Variants in DHRSX observed in about 807,000 individuals in gnomAD.
DHRSX encodes dehydrogenase/reductase X-linked.
In DHRSX, 31 loss-of-function variants were observed where a neutral mutation model predicts 34.0. That is an observed-to-expected ratio of 0.91 (90% CI 0.69 to 1.23). The LOEUF is 1.23. Ranked by LOEUF, DHRSX falls within the 50% of genes most tolerant of loss-of-function variation. DHRSX has a pLI of 0.00. For missense variants in DHRSX, 414 were observed against 428.1 expected (o/e 0.97, Z 0.29); for synonymous variants, 201 against 183.8 (o/e 1.09, Z -0.76).
At chrX:2,238,920 A>G (rs2016079094) in intron 6 of DHRSX, among the ~76,000 whole-genome samples, 1 of 152,106 alleles carries the variant, frequency 6.6e-6, no homozygotes, top group Non-Finnish European at 1.5e-5. Flanking sequence ...GCATGCATGC[A>G]TGCATGCATA....
At chrX:2,284,779 C>T (rs1357999337) in intron 4 of DHRSX, among the ~76,000 whole-genome samples, 1 of 152,144 alleles carries the variant, frequency 6.6e-6, no homozygotes, top group Non-Finnish European at 1.5e-5. Context: ...TAAATCATCG[C>T]GTTGCCTCTG....
Position 2,338,206 on chromosome X carries a change from G to A in DHRSX, c.287-46603C>T, listed in dbSNP as rs755291430. ...AAATTAGCCAGGCATGGTGGTGCGC[G>A]CCTGTAATCCCAGCTACTTGGGAGG... is the stretch of plus-strand genomic sequence containing the variant. On this transcript the variant is annotated intron_variant, in intron 3 of 6. Transcript: ENST00000334651. Among the ~76,000 whole-genome samples the A allele has an allele frequency of 8.6e-5, 13 of 151,734 alleles. No individual in the cohort carries two copies. The South Asian group carries it at 1.7e-3, about 20-fold the overall frequency.
intron 3 of DHRSX, among the ~76,000 whole-genome samples, chrX:2,389,214 G>T (rs901898226): frequency 6.6e-6 from 1 of 152,118 alleles, no homozygotes; most frequent in African/African-American, 2.4e-5. Flanking sequence ...CCAGGAAGGG[G>T]TCACCTGGTC....
intron 3 of DHRSX, among the ~76,000 whole-genome samples, chrX:2,390,692 T>G (rs2043325619): frequency 6.6e-6 from 1 of 152,196 alleles, no homozygotes; most frequent in Non-Finnish European, 1.5e-5. Context: ...CTCTAAAAAT[T>G]TAAAGGTACT....
At chrX:2,411,643 C>A (rs1206060916) in intron 2 of DHRSX, among the ~76,000 whole-genome samples, 1 of 150,784 alleles carries the variant, frequency 6.6e-6, no homozygotes, top group Non-Finnish European at 1.5e-5. Context: ...AGAAGAATTG[C>A]TTGAACCCAG....
chrX:2,432,643 G>C (rs2043941955), intron 1 of DHRSX, among the ~76,000 whole-genome samples: 1 of 152,134 alleles, frequency 6.6e-6, no homozygotes, highest in African/African-American at 2.4e-5. Context: ...GCCACATTAG[G>C]AAACAGATAA....
chrX:2,270,771 C>A (rs1369544825), intron 4 of DHRSX, among the ~76,000 whole-genome samples: 1 of 152,082 alleles, frequency 6.6e-6, no homozygotes, highest in Non-Finnish European at 1.5e-5. Context: ...GAGTGGAGAC[C>A]CGGAGACCTT....
At chrX:2,345,130 C>T (rs2042688559) in intron 3 of DHRSX, among the ~76,000 whole-genome samples, 1 of 151,690 alleles carries the variant, frequency 6.6e-6, no homozygotes, top group African/African-American at 2.4e-5. Flanking sequence ...GAAATACTGC[C>T]CAACTTGTGT....
intron 3 of DHRSX, among the ~76,000 whole-genome samples, chrX:2,366,427 C>G (rs1200513069): frequency 1.3e-5 from 2 of 148,972 alleles, no homozygotes; most frequent in Admixed American, 6.7e-5. Flanking sequence ...GCAACAAGAG[C>G]GAAACTCAGT....
intron 2 of DHRSX, among the ~76,000 whole-genome samples, chrX:2,415,198 T>G (rs1189565104): frequency 6.6e-6 from 1 of 150,592 alleles, no homozygotes; most frequent in East Asian, 2.0e-4. Flanking sequence ...CATAACCTAA[T>G]ACAACTAGAT....
Position 2,351,873 on chromosome X carries a change from C to A in DHRSX, c.286+56872G>T, listed in dbSNP as rs191710783. Among the ~76,000 whole-genome samples, 175 of 152,304 alleles carry A rather than the reference C, an allele frequency of 1.1e-3. 2 individuals carry two copies. The highest frequency in any genetic ancestry group is 4.0e-3 in the African/African-American group (167 of 41,572). On this transcript the variant is annotated intron_variant, in intron 3 of 6. Coordinates refer to ENST00000334651, the MANE Select transcript of DHRSX (RefSeq NM_145177.3). Reference sequence around the variant, plus strand: ...TAGCTGGAATTACAGATGCCCAACACTACACCCGGCTAATTTTTGTATTTT... The same window carrying A: ...TAGCTGGAATTACAGATGCCCAACAATACACCCGGCTAATTTTTGTATTTT...
At chrX:2,251,900 G>T (rs1176514965) in intron 5 of DHRSX, among the ~76,000 whole-genome samples, 1 of 152,038 alleles carries the variant, frequency 6.6e-6, no homozygotes, top group Non-Finnish European at 1.5e-5. Flanking sequence ...GGGGGTTGGG[G>T]TGGGGTAGGA....
intron 3 of DHRSX, among the ~76,000 whole-genome samples, chrX:2,326,552 G>T (rs2042388697): frequency 6.6e-6 from 1 of 151,934 alleles, no homozygotes; most frequent in South Asian, 2.1e-4. Context: ...AAAACTTCTG[G>T]GGGCCCATCT....
intron 1 of DHRSX, among the ~76,000 whole-genome samples, chrX:2,472,093 C>T (rs111266575): frequency 0.16 from 24,160 of 147,616 alleles, 2,917 homozygotes; most frequent in African/African-American, 0.32. Context: ...AGCGGTGAGC[C>T]GAGATCACAC....
At chrX:2,369,385 G>A (rs1251150559) in intron 3 of DHRSX, among the ~76,000 whole-genome samples, 2 of 152,202 alleles carry the variant, frequency 1.3e-5, no homozygotes, top group African/African-American at 2.4e-5. Context: ...CATTGAATCA[G>A]GCTTATCTTG....
chrX:2,408,071 A>G (rs1476197047), intron 3 of DHRSX, among the ~76,000 whole-genome samples: 1 of 152,040 alleles, frequency 6.6e-6, no homozygotes, highest in Non-Finnish European at 1.5e-5. Context: ...CTGGTCGAAA[A>G]TCTTAAGGGC....
intron 3 of DHRSX, among the ~76,000 whole-genome samples, chrX:2,388,378 CA>C (rs2043296338): frequency 6.6e-6 from 1 of 151,998 alleles, no homozygotes; most frequent in Non-Finnish European, 1.5e-5. Flanking sequence ...AATGAGGTTT[CA>C]GGGGGTTGGG....
At chrX:2,423,195 G>A (rs762044565) in intron 2 of DHRSX, among the ~76,000 whole-genome samples, 14 of 150,598 alleles carry the variant, frequency 9.3e-5, no homozygotes, top group African/African-American at 2.4e-4. Context: ...GGCAGATCAC[G>A]TGAGGTCAGG....
chrX:2,304,355 GGATGGATA>G (rs2042075468), intron 3 of DHRSX, among the ~76,000 whole-genome samples: 1 of 151,628 alleles, frequency 6.6e-6, no homozygotes, highest in Admixed American at 6.6e-5. Flanking sequence ...ATGGATGGAT[GGATGGATA>G]GATGGATGGA....
Sources: allele counts gnomAD v4.1 joint callset (sites outside exome capture counted in the v4.1 genomes callset), GRCh38; gene constraint gnomAD v4.1.1; transcripts MANE v1.5; gene names NCBI Gene and HGNC (gene_info 2026-07-23, HGNC 2026-07-21).